Variants in RIMS2 observed in about 807,000 individuals in gnomAD.
RIMS2 encodes regulating synaptic membrane exocytosis protein 2.
A neutral mutation model predicts 174.4 loss-of-function variants in RIMS2; 59 were observed. The observed-to-expected ratio is 0.34, with a 90% CI of 0.27 to 0.42. RIMS2 has a LOEUF of 0.42. RIMS2 is among the 10% of genes least tolerant of loss of function. RIMS2 has a pLI of 1.00. For missense variants in RIMS2, 1,620 were observed against 1,666.3 expected (o/e 0.97, Z 0.48); for synonymous variants, 606 against 572.5 (o/e 1.06, Z -0.84).
rs1200450677 is a variant in RIMS2, at chr8:103,529,736, A to G, written c.176+28674A>G. ...GTGTCGCTCACGCTGGGAGCTGTAG[A>G]CTGGAGCTGTTCCTATTCGGCCATC... On this transcript the variant is annotated intron_variant, in intron 1 of 23. Transcript: ENST00000504942. Among the ~76,000 whole-genome samples the G allele has an allele frequency of 2.0e-5, 3 of 152,234 alleles. No homozygotes were observed. In the South Asian group the frequency reaches 6.2e-4, roughly 32 times the overall value.
chr8:103,854,349 A>AT (rs1365544603), intron 3 of RIMS2, among the ~76,000 whole-genome samples: 1 of 151,748 alleles, frequency 6.6e-6, no homozygotes, highest in Admixed American at 6.6e-5. Context: ...GATATCTTTT[A>AT]TTTTTTCTCT....
chr8:104,046,345 A>G (rs2096695165), intron 19 of RIMS2, among the ~76,000 whole-genome samples: 1 of 152,050 alleles, frequency 6.6e-6, no homozygotes, highest in African/African-American at 2.4e-5. Context: ...ATCTGCTAAT[A>G]TGCTCATTTT....
intron 1 of RIMS2, among the ~76,000 whole-genome samples, chr8:103,668,263 C>T (rs1371005574): frequency 6.6e-6 from 1 of 152,172 alleles, no homozygotes; most frequent in East Asian, 1.9e-4. Context: ...CTTAATGTTA[C>T]TGTATTTGTA....
intron 19 of RIMS2, among the ~76,000 whole-genome samples, chr8:104,193,024 GAGAA>G (rs774795912): frequency 4.6e-5 from 7 of 151,932 alleles, no homozygotes; most frequent in Non-Finnish European, 8.8e-5. Flanking sequence ...TATACACTGA[GAGAA>G]AGAGTCTGCT....
intron 13 of RIMS2, among the ~76,000 whole-genome samples, chr8:103,938,113 C>T (rs765813180): frequency 6.6e-6 from 1 of 152,038 alleles, no homozygotes; most frequent in Admixed American, 6.5e-5. Flanking sequence ...AAAGTATTTC[C>T]AGCTGTAATG....
At chr8:104,081,891 G>GAACAAAA (rs908403458) in intron 19 of RIMS2, among the ~76,000 whole-genome samples, 10 of 151,788 alleles carry the variant, frequency 6.6e-5, no homozygotes, top group African/African-American at 2.2e-4. Flanking sequence ...CTGTTCTCTT[G>GAACAAAA]AACAAAAAAC....
chr8:103,942,963 A>T (rs570682318), intron 14 of RIMS2, 37 bp downstream of exon 16: 7 of 1,527,448 alleles, frequency 4.6e-6, no homozygotes, highest in Non-Finnish European at 6.3e-6. Context: ...TTTTTATTGT[A>T]TTTTCCTAAT....
At chr8:103,753,554 A>C (rs1357245851) in intron 2 of RIMS2, among the ~76,000 whole-genome samples, 2 of 150,692 alleles carry the variant, frequency 1.3e-5, no homozygotes, top group African/African-American at 4.9e-5. Flanking sequence ...TCGGCTGTGA[A>C]TCCTGGACTT....
intron 19 of RIMS2, among the ~76,000 whole-genome samples, chr8:104,183,739 C>G (rs1056448010): frequency 6.6e-6 from 1 of 151,196 alleles, no homozygotes; most frequent in Non-Finnish European, 1.5e-5. Context: ...TATCTTCTGC[C>G]CCTAAGATCT....
chr8:104,182,441 G>A (rs2098945449), intron 19 of RIMS2, among the ~76,000 whole-genome samples: 1 of 151,686 alleles, frequency 6.6e-6, no homozygotes, highest in Admixed American at 6.6e-5. Flanking sequence ...AGTGTACTCA[G>A]AGATATGTAC....
Position 103,880,646 on chromosome 8 carries a change from A to G in RIMS2, c.699-4652A>G, listed in dbSNP as rs149943236. On this transcript the variant is annotated intron_variant, in intron 3 of 23. Transcript: ENST00000504942. ...GCACACTGTTGATGTATTTTTGTCA[A>G]CATGATGCTTCATGCTCGACAGATG... The G allele has an allele frequency of 2.3e-4, 119 of 528,360 alleles. 2 individuals are homozygous for G. The East Asian group carries it at 2.3e-3, about 10-fold the overall frequency. The allele number at this position is 528,360 out of a possible 1,614,324, so 32.7% of individuals were successfully genotyped here. A position where few individuals can be genotyped will look rare whatever the true frequency, so the allele number is the denominator to read the frequency against.
intron 1 of RIMS2, among the ~76,000 whole-genome samples, chr8:103,539,582 A>G (rs1841554639): frequency 6.6e-6 from 1 of 152,152 alleles, no homozygotes; most frequent in African/African-American, 2.4e-5. Context: ...TATTGTTGAA[A>G]CCACCATCAT....
chr8:104,037,147 G>T (rs533541892), intron 19 of RIMS2, among the ~76,000 whole-genome samples: 17 of 152,064 alleles, frequency 1.1e-4, no homozygotes, highest in Non-Finnish European at 2.1e-4. Flanking sequence ...CTGTAAACTT[G>T]GTAAGCATTT....
intron 3 of RIMS2, among the ~76,000 whole-genome samples, chr8:103,832,630 A>G (rs1042328585): frequency 2.0e-5 from 3 of 152,190 alleles, no homozygotes; most frequent in Admixed American, 2.0e-4. Context: ...AAGTGAGAAC[A>G]TGAGTATTTG....
At chr8:103,637,733 A>G (rs989298435) in intron 1 of RIMS2, among the ~76,000 whole-genome samples, 11 of 152,202 alleles carry the variant, frequency 7.2e-5, no homozygotes, top group African/African-American at 2.7e-4. Context: ...GGATTGGTAC[A>G]ATACTATTAA....
rs928348713 is a variant in RIMS2, at chr8:103,785,888, T to C, written c.698+19351T>C. Among the ~76,000 whole-genome samples the C allele has an allele frequency of 1.1e-3, 166 of 152,352 alleles. 1 individual carries two copies. Among genetic ancestry groups the C allele is most frequent in the Non-Finnish European group, 6.0e-4 (41 of 68,036 alleles). On this transcript the variant is annotated intron_variant, in intron 3 of 23. Coordinates refer to ENST00000504942, the Ensembl canonical transcript of RIMS2. The stretch of plus-strand genomic sequence containing the variant: ...ATCTCTGGTAGAATTCGGCTGTGAA[T>C]CCATCTGGTCCTGGACTCTTTTTGG...
At chr8:103,819,163 A>C (rs1388274996) in intron 3 of RIMS2, 1 of 1,050,576 alleles carries the variant, frequency 9.5e-7, no homozygotes, top group East Asian at 8.7e-5. Flanking sequence ...TATTCATTGC[A>C]TGTTTTTAAT....
intron 2 of RIMS2, among the ~76,000 whole-genome samples, chr8:103,740,991 T>C (rs976517138): frequency 6.6e-6 from 1 of 152,102 alleles, no homozygotes; most frequent in Non-Finnish European, 1.5e-5. Flanking sequence ...CAACAAAATA[T>C]GTATATAAGT....
intron 9 of RIMS2, 164 bp downstream of exon 12, chr8:103,918,651 G>A: frequency 1.4e-5 from 8 of 569,124 alleles, no homozygotes; most frequent in South Asian, 2.6e-5. Flanking sequence ...ATGTCACTGT[G>A]GGAAAAACAA....
Sources: allele counts gnomAD v4.1 joint callset (sites outside exome capture counted in the v4.1 genomes callset), GRCh38; gene constraint gnomAD v4.1.1; transcripts MANE v1.5; gene names NCBI Gene and HGNC (gene_info 2026-07-23, HGNC 2026-07-21).